Variants in COL6A5 observed in about 807,000 individuals in gnomAD.
The protein encoded by COL6A5 is collagen alpha-5(VI) chain.
In COL6A5, 48 loss-of-function variants were observed where a neutral mutation model predicts 65.6. The observed-to-expected ratio is 0.73, with a 90% CI of 0.58 to 0.93. The LOEUF is 0.93. COL6A5 is among the 40% of genes least tolerant of loss of function. COL6A5 has a pLI of 0.00. For missense variants in COL6A5, 914 were observed against 928.3 expected (o/e 0.98, Z 0.20); for synonymous variants, 291 against 322.8 (o/e 0.90, Z 1.05).
At chr3:130,354,499 T>A (rs1934850219) in intron 1 of COL6A5, among the ~76,000 whole-genome samples, 1 of 152,196 alleles carries the variant, frequency 6.6e-6, no homozygotes, top group Non-Finnish European at 1.5e-5. Flanking sequence ...CAACATTCTC[T>A]AGGGGCTTAT....
intron 4 of COL6A5, among the ~76,000 whole-genome samples, chr3:130,383,359 C>G (rs963684047): frequency 1.3e-5 from 2 of 152,000 alleles, no homozygotes; most frequent in African/African-American, 4.8e-5. Context: ...TAGCACAGCC[C>G]TAGGCAGGGA....
intron 5 of COL6A5, among the ~76,000 whole-genome samples, chr3:130,466,231 T>C (rs922474646): frequency 6.6e-6 from 1 of 152,014 alleles, no homozygotes; most frequent in African/African-American, 2.4e-5. Flanking sequence ...CATAAAACAA[T>C]GCTCAACATT....
intron 25 of COL6A5, among the ~76,000 whole-genome samples, chr3:130,419,552 G>A (rs1937464586): frequency 6.6e-6 from 1 of 152,160 alleles, no homozygotes; most frequent in African/African-American, 2.4e-5. Context: ...AGAAAATGTA[G>A]TATGTATGCA....
At chr3:130,420,074 C>T (rs1035582387) in intron 25 of COL6A5, among the ~76,000 whole-genome samples, 1 of 151,704 alleles carries the variant, frequency 6.6e-6, no homozygotes, top group Non-Finnish European at 1.5e-5. Flanking sequence ...TAGAATGGTC[C>T]AGCAAGTCTT....
At chr3:130,353,999 C>T (rs1443720428) in intron 1 of COL6A5, among the ~76,000 whole-genome samples, 1 of 151,274 alleles carries the variant, frequency 6.6e-6, no homozygotes, top group Non-Finnish European at 1.5e-5. Flanking sequence ...AAAAGTCTCA[C>T]CATGTTCTGG....
At chr3:130,475,539 G>C (rs1202949399) in intron 7 of COL6A5, among the ~76,000 whole-genome samples, 1 of 83,788 alleles carries the variant, frequency 1.2e-5, no homozygotes, top group African/African-American at 2.8e-5. Context: ...CTCTCCCTCT[G>C]GAATAAAGAC....
At chr3:130,423,770 C>T (rs1266037392) in intron 28 of COL6A5, 68 bp from the exon 29 acceptor site, 27 of 1,229,488 alleles carry the variant, frequency 2.2e-5, no homozygotes, top group South Asian at 1.3e-4. Context: ...AAAGTCTTAT[C>T]GAAACTGAAG....
At chr3:130,389,038 A>G in exon 6 of COL6A5, 1 of 1,514,810 alleles carries the variant, frequency 6.6e-7, no homozygotes, top group Non-Finnish European at 8.9e-7. Flanking sequence ...GCTAGAAGAG[A>G]TCAGTGGGGA....
At chr3:130,432,023 G>A in intron 1 of COL6A5, 74 bp downstream of exon 33, 4 of 1,441,456 alleles carry the variant, frequency 2.8e-6, no homozygotes, top group South Asian at 2.8e-5. Flanking sequence ...GATGGGAGTG[G>A]TAGAGAGTCA....
chr3:130,362,263 T>TCTCTCTCTCTCTCTCTCTCC, intron 1 of COL6A5, among the ~76,000 whole-genome samples: 1 of 142,060 alleles, frequency 7.0e-6, no homozygotes, highest in African/African-American at 2.6e-5. Context: ...TCTCTCTCTC[T>TCTCTCTCTCTCTCTCTCTCC]CTCTCTCTTT....
chr3:130,440,172 G>A, exon 3 of COL6A5: 1 of 1,609,502 alleles, frequency 6.2e-7, no homozygotes, highest in Non-Finnish European at 8.5e-7. Flanking sequence ...TCAGATAAAT[G>A]TTTTCCAAAT....
chr3:130,456,247 G>A (rs1424073123), intron 5 of COL6A5, among the ~76,000 whole-genome samples: 2 of 151,978 alleles, frequency 1.3e-5, no homozygotes, highest in Non-Finnish European at 2.9e-5. Flanking sequence ...TAATGGCAAA[G>A]CAATAACTTT....
intron 1 of COL6A5, among the ~76,000 whole-genome samples, chr3:130,372,038 G>A (rs1935584939): frequency 6.6e-6 from 1 of 152,046 alleles, no homozygotes; most frequent in Non-Finnish European, 1.5e-5. Flanking sequence ...TTAAATAGAT[G>A]TTTCACCAAA....
At chr3:130,473,084 T>G (rs1413591288) in intron 7 of COL6A5, among the ~76,000 whole-genome samples, 3 of 151,228 alleles carry the variant, frequency 2.0e-5, no homozygotes, top group Non-Finnish European at 2.9e-5. Context: ...AAATTAAATA[T>G]AAGTATATTG....
chr3:130,478,022 C>T (rs1710140748), intron 7 of COL6A5, among the ~76,000 whole-genome samples: 1 of 152,004 alleles, frequency 6.6e-6, no homozygotes, highest in Admixed American at 6.6e-5. Context: ...ATCCTGGAGC[C>T]AGCTGTAAAT....
intron 1 of COL6A5, among the ~76,000 whole-genome samples, chr3:130,434,197 C>T (rs1401781567): frequency 1.3e-5 from 2 of 152,152 alleles, no homozygotes; most frequent in Admixed American, 6.5e-5. Context: ...GTTTGGTTTT[C>T]TGTTCCTGTG....
exon 30 of COL6A5, chr3:130,426,242 T>C (rs1414687855): frequency 6.4e-7 from 1 of 1,551,366 alleles, no homozygotes; most frequent in Admixed American, 2.0e-5. Flanking sequence ...GGGCAGCCTG[T>C]ATATTCTGTA....
chr3:130,395,540 A>G (rs1234474264), intron 8 of COL6A5, 75 bp downstream of exon 8: 1 of 1,071,364 alleles, frequency 9.3e-7, no homozygotes, highest in Non-Finnish European at 1.4e-6. Context: ...CTTATGGGCT[A>G]GCTCTAGCAG....
At chr3:130,377,079 C>G (rs964880406) in intron 3 of COL6A5, among the ~76,000 whole-genome samples, 4 of 152,162 alleles carry the variant, frequency 2.6e-5, no homozygotes, top group African/African-American at 9.7e-5. Context: ...ATTTAAATCT[C>G]ATCCCTACAT....
Sources: allele counts gnomAD v4.1 joint callset (sites outside exome capture counted in the v4.1 genomes callset), GRCh38; gene constraint gnomAD v4.1.1; transcripts MANE v1.5; gene names NCBI Gene and HGNC (gene_info 2026-07-23, HGNC 2026-07-21).